Variants in CADPS observed in about 807,000 individuals in gnomAD.
CADPS encodes the protein calcium-dependent secretion activator 1.
In CADPS, 57 loss-of-function variants were observed where a neutral mutation model predicts 167.3. That is an observed-to-expected ratio of 0.34 (90% CI 0.28 to 0.42). The LOEUF (loss-of-function observed/expected upper bound fraction) is 0.42, where lower values mean the gene tolerates loss of function less well. Among genes scored for constraint, CADPS ranks in the 20% least tolerant of loss-of-function variants. The pLI is 1.00. For missense variants in CADPS, 1,414 were observed against 1,738.1 expected (o/e 0.81, Z 3.32); for synonymous variants, 676 against 635.3 (o/e 1.06, Z -0.96).
chr3:62,563,664 A>G (rs952517193), intron 9 of CADPS, among the ~76,000 whole-genome samples: 5 of 152,078 alleles, frequency 3.3e-5, no homozygotes, highest in Admixed American at 6.6e-5. Flanking sequence ...AATGAACCCA[A>G]TTTGTGGTCT....
intron 1 of CADPS, among the ~76,000 whole-genome samples, chr3:62,839,432 C>A (rs1406424911): frequency 1.3e-5 from 2 of 152,062 alleles, no homozygotes; most frequent in Non-Finnish European, 2.9e-5. Flanking sequence ...CAGGGACTTT[C>A]AAGCAGAAAG....
chr3:62,868,902 C>A (rs1053454328), intron 1 of CADPS, among the ~76,000 whole-genome samples: 1 of 152,132 alleles, frequency 6.6e-6, no homozygotes, highest in African/African-American at 2.4e-5. Context: ...CCCATCTCCA[C>A]ATGAGAGATT....
chr3:62,609,388 G>A (rs980186885), intron 6 of CADPS, among the ~76,000 whole-genome samples: 17 of 152,314 alleles, frequency 1.1e-4, no homozygotes, highest in Admixed American at 9.8e-4. Flanking sequence ...TGTTTGTCAG[G>A]TGCTCTGTTT....
intron 21 of CADPS, among the ~76,000 whole-genome samples, chr3:62,486,991 A>T (rs928006206): frequency 6.6e-6 from 1 of 152,194 alleles, no homozygotes. Flanking sequence ...GCAATGGTAA[A>T]CTGACAGGGC....
Position 62,581,672 on chromosome 3 carries a change from C to A in CADPS, c.1577+3513G>T, listed in dbSNP as rs182141290. On this transcript the variant is annotated intron_variant, in intron 8 of 29. Transcript: ENST00000383710. ...CTCCAGTCTGGGTCACAGAGCAAGACCCTGTCTCAAAAAGAAAAACAAAAA... is the reference window on the plus strand; with the variant it reads ...CTCCAGTCTGGGTCACAGAGCAAGAACCTGTCTCAAAAAGAAAAACAAAAA... Among the ~76,000 whole-genome samples, 375 of 152,018 alleles carry A rather than the reference C, an allele frequency of 2.5e-3. 2 individuals carry two copies. The highest frequency in any genetic ancestry group is 8.6e-3 in the African/African-American group (357 of 41,476).
At chr3:62,779,158 A>G (rs1397251420) in intron 1 of CADPS, 1 of 189,050 alleles carries the variant, frequency 5.3e-6, no homozygotes, top group African/African-American at 2.4e-5. Flanking sequence ...AAGTGCTGGG[A>G]TTATAATAAC....
At chr3:62,832,105 G>A (rs2075195454) in intron 1 of CADPS, among the ~76,000 whole-genome samples, 1 of 152,180 alleles carries the variant, frequency 6.6e-6, no homozygotes, top group Admixed American at 6.5e-5. Context: ...GACCTATTGG[G>A]TTAAGAGTTA....
chr3:62,784,392 G>C (rs1242184357), intron 1 of CADPS, among the ~76,000 whole-genome samples: 1 of 152,080 alleles, frequency 6.6e-6, no homozygotes, highest in Non-Finnish European at 1.5e-5. Flanking sequence ...TAATTCATGA[G>C]AAAAATTTTC....
intron 13 of CADPS, among the ~76,000 whole-genome samples, chr3:62,519,532 T>A (rs1235071495): frequency 6.6e-6 from 1 of 152,190 alleles, no homozygotes; most frequent in Non-Finnish European, 1.5e-5. Context: ...CATTTCTTCA[T>A]ACTCTTCCAA....
In CADPS at chr3:62,689,858, A is replaced by G. The variant is rs190224207; in HGVS notation, c.889-27464T>C. 1.9e-4 allele frequency among the ~76,000 whole-genome samples: 29 copies of G among 152,128 alleles called. 1 individual carries two copies. Among genetic ancestry groups the G allele is most frequent in the African/African-American group, 7.0e-4 (29 of 41,526 alleles). ...ATGGGTAAGATTTCAAAAGGTGACA[A>G]TGAGAGATGAGGGGGGGCGGCGTTC... On this transcript the variant is annotated intron_variant, in intron 3 of 29. Coordinates refer to ENST00000383710, the MANE Select transcript of CADPS (RefSeq NM_003716.4).
At chr3:62,813,153 C>T (rs1169533440) in intron 1 of CADPS, among the ~76,000 whole-genome samples, 1 of 151,892 alleles carries the variant, frequency 6.6e-6, no homozygotes, top group African/African-American at 2.4e-5. Flanking sequence ...GCCCAAATAG[C>T]CAAAGCAATA....
At chr3:62,786,127 C>T (rs200848060) in intron 1 of CADPS, among the ~76,000 whole-genome samples, 1 of 152,074 alleles carries the variant, frequency 6.6e-6, no homozygotes, top group African/African-American at 2.4e-5. Flanking sequence ...GCACAAGAAT[C>T]GCTTGAACGT....
At chr3:62,859,814 A>G (rs2080433806) in intron 1 of CADPS, among the ~76,000 whole-genome samples, 1 of 152,172 alleles carries the variant, frequency 6.6e-6, no homozygotes, top group East Asian at 1.9e-4. Flanking sequence ...TGTTGACAAT[A>G]TTCTTCAGAA....
At chr3:62,516,766 T>A (rs2069088740) in intron 14 of CADPS, 123 bp from the exon 15 acceptor site, 3 of 670,338 alleles carry the variant, frequency 4.5e-6, no homozygotes, top group Non-Finnish European at 8.0e-6. Context: ...TTTGTCACGT[T>A]GTGTTATGTT....
At chr3:62,508,063 T>A (rs1322554623) in intron 17 of CADPS, among the ~76,000 whole-genome samples, 1 of 152,178 alleles carries the variant, frequency 6.6e-6, no homozygotes, top group African/African-American at 2.4e-5. Flanking sequence ...CATTGAGTGC[T>A]CAGGCTGGGC....
chr3:62,660,841 T>C (rs1315620477), intron 4 of CADPS, among the ~76,000 whole-genome samples: 9 of 152,252 alleles, frequency 5.9e-5, no homozygotes, highest in Non-Finnish European at 1.0e-4. Context: ...TAGTTTATTT[T>C]GATTAACGGA....
chr3:62,831,871 T>C (rs972689847), intron 1 of CADPS, among the ~76,000 whole-genome samples: 1 of 152,186 alleles, frequency 6.6e-6, no homozygotes, highest in Admixed American at 6.6e-5. Flanking sequence ...GCAATGTATT[T>C]GAATTCTTGC....
chr3:62,540,017 C>T (rs1242112852), intron 11 of CADPS, among the ~76,000 whole-genome samples: 1 of 152,082 alleles, frequency 6.6e-6, no homozygotes, highest in African/African-American at 2.4e-5. Flanking sequence ...AAGAGAAGTA[C>T]CTGGAAAGTA....
intron 22 of CADPS, among the ~76,000 whole-genome samples, chr3:62,481,196 A>G (rs1162418343): frequency 6.6e-6 from 1 of 152,254 alleles, no homozygotes; most frequent in Non-Finnish European, 1.5e-5. Flanking sequence ...TGATCCATTC[A>G]GAAATTTTCA....
Sources: allele counts gnomAD v4.1 joint callset (sites outside exome capture counted in the v4.1 genomes callset), GRCh38; gene constraint gnomAD v4.1.1; transcripts MANE v1.5; gene names NCBI Gene and HGNC (gene_info 2026-07-23, HGNC 2026-07-21).